The following IGF2R variants were observed in gnomAD, a reference collection of about 807,000 sequenced individuals.
IGF2R encodes cation-independent mannose-6-phosphate receptor.
In IGF2R, 91 loss-of-function variants were observed where a neutral mutation model predicts 270.6. That is an observed-to-expected ratio of 0.34 (90% CI 0.28 to 0.40). IGF2R has a LOEUF of 0.40. Among genes scored for constraint, IGF2R ranks in the 10% least tolerant of loss-of-function variants. The probability of loss-of-function intolerance (pLI) is 1.00; values close to 1 mark genes in which losing one functional copy is unlikely to be tolerated. For missense variants in IGF2R, 2,805 were observed against 3,188.3 expected, an observed-to-expected ratio of 0.88 and a Z score of 2.90; for synonymous variants, 1,316 against 1,258.9, an observed-to-expected ratio of 1.05 and a Z score of -0.96.
chr6:160,063,598 A>G lies in IGF2R; in HGVS notation c.3854A>G (p.Lys1285Arg). Residue 1285 changes from lysine (K) to arginine (R), a missense_variant, in exon 27 of 48, where the codon AAG becomes AGG. Physicochemically the swap from Lys to Arg is conservative, Grantham distance 26. Coordinates refer to ENST00000356956, the MANE Select transcript of IGF2R (RefSeq NM_000876.4). ...KSKVVSSCQE[K>R]REPQGFHKVA... Reference sequence around the variant, plus strand: ...AAGGTGGTCTCCTCATGTCAGGAAAAGCGGGAACCGCAGGGATTTCACAAA... The same window carrying G: ...AAGGTGGTCTCCTCATGTCAGGAAAGGCGGGAACCGCAGGGATTTCACAAA... 1.9e-6 allele frequency: 3 copies of G among 1,614,218 alleles called. No individual in the cohort carries two copies. Among genetic ancestry groups the G allele is most frequent in the Non-Finnish European group, 2.5e-6 (3 of 1,180,028 alleles).
At chr6:160,087,882 G>GTCAGGC in intron 41 of IGF2R, 151 bp from the exon 42 acceptor site, 2 of 587,234 alleles carry the variant, frequency 3.4e-6, no homozygotes, top group South Asian at 3.7e-5. Flanking sequence ...CACCATGTTG[G>GTCAGGC]TCAGGCTGGT....
At chr6:160,085,681 G>A (rs973021722) in intron 41 of IGF2R, among the ~76,000 whole-genome samples, 3 of 152,238 alleles carry the variant, frequency 2.0e-5, no homozygotes, top group Non-Finnish European at 2.9e-5. Context: ...GACCAGTAAA[G>A]GAAAATATTC....
In IGF2R at chr6:160,058,761, A is replaced by G. The variant is rs953532965; in HGVS notation, c.2899-145A>G. ...TTGGACTTATGTACTAACTGTACTA[A>G]CATGCCAGAAAGTGGAAAGTTGGCA... On this transcript the variant is annotated intron_variant, in intron 21 of 47. Coordinates refer to ENST00000356956, the MANE Select transcript of IGF2R (RefSeq NM_000876.4). The G allele has an allele frequency of 2.8e-5, 19 of 684,242 alleles. No homozygotes were observed. The African/African-American group carries it at 3.2e-4, about 12-fold the overall frequency. 42.4% of individuals were successfully genotyped at this position (684,242 alleles called of 1,614,324 possible).
intron 7 of IGF2R, 70 bp from the exon 8 acceptor site, chr6:160,032,481 A>G: frequency 2.1e-6 from 3 of 1,416,646 alleles, no homozygotes; most frequent in Non-Finnish European, 2.9e-6. Context: ...GCTTTTCATA[A>G]GTGTGGAAAA....
Position 160,105,192 on chromosome 6 carries a change from C to A in IGF2R, c.*108C>A, listed in dbSNP as rs1284764861. The A allele has an allele frequency of 9.9e-7, 1 of 1,009,308 alleles. No individual in the cohort carries two copies. The highest frequency in any genetic ancestry group is 1.4e-6 in the Non-Finnish European group (1 of 700,594). The allele number at this position is 1,009,308 out of a possible 1,614,324, so 62.5% of individuals were successfully genotyped here. ...TCTATAATTTTGCCTTTAACAGAAA[C>A]TTTCAAAAGGGAAGAGTTTTTGTGA... On this transcript the variant is annotated 3_prime_UTR_variant, in exon 48 of 48. Coordinates refer to ENST00000356956, the MANE Select transcript of IGF2R (RefSeq NM_000876.4).
At chr6:160,037,819 G>A (rs1462461500) in intron 10 of IGF2R, among the ~76,000 whole-genome samples, 1 of 152,162 alleles carries the variant, frequency 6.6e-6, no homozygotes, top group African/African-American at 2.4e-5. Context: ...TCTGCTCCAT[G>A]TGGTCATTTG....
At chr6:160,092,912 T>C (rs969080750) in intron 44 of IGF2R, among the ~76,000 whole-genome samples, 2 of 152,000 alleles carry the variant, frequency 1.3e-5, no homozygotes, top group African/African-American at 4.8e-5. Flanking sequence ...ATGCAAGGAG[T>C]CCACACAAGG....
chr6:160,097,156 G>A (rs1779380401), intron 45 of IGF2R, among the ~76,000 whole-genome samples: 1 of 152,230 alleles, frequency 6.6e-6, no homozygotes, highest in Admixed American at 6.5e-5. Flanking sequence ...TTGAGAATCA[G>A]CATGAGAACA....
intron 11 of IGF2R, among the ~76,000 whole-genome samples, chr6:160,041,779 G>A (rs1361133537): frequency 6.6e-6 from 1 of 152,180 alleles, no homozygotes. Context: ...TAAACACCCT[G>A]TGTGCTGCTG....
intron 1 of IGF2R, among the ~76,000 whole-genome samples, chr6:159,975,320 G>A (rs1041578462): frequency 6.6e-6 from 1 of 152,220 alleles, no homozygotes; most frequent in African/African-American, 2.4e-5. Context: ...TTAGGGCGAG[G>A]TATTGGGGAA....
At chr6:160,029,136 A>C (rs1441155537) in intron 6 of IGF2R, among the ~76,000 whole-genome samples, 2 of 152,066 alleles carry the variant, frequency 1.3e-5, no homozygotes, top group African/African-American at 2.4e-5. Flanking sequence ...GCGCACTACC[A>C]TGCCCAGCTA....
chr6:159,983,411 T>C (rs969289622), intron 1 of IGF2R, among the ~76,000 whole-genome samples: 6 of 152,228 alleles, frequency 3.9e-5, no homozygotes. Context: ...TCTGTACTTC[T>C]GAACAGGCGT....
chr6:159,974,998 G>A (rs1419971063), intron 1 of IGF2R, among the ~76,000 whole-genome samples: 1 of 152,068 alleles, frequency 6.6e-6, no homozygotes, highest in Non-Finnish European at 1.5e-5. Flanking sequence ...GAAGACCTCC[G>A]TAATCAAATG....
chr6:159,989,141 C>T (rs1464602513), intron 1 of IGF2R, among the ~76,000 whole-genome samples: 1 of 152,174 alleles, frequency 6.6e-6, no homozygotes, highest in African/African-American at 2.4e-5. Context: ...GCTATCAGAC[C>T]TTCCAAGTCT....
rs1779521386 is a variant in IGF2R at position 160,102,909 on chromosome 6, G to T, written c.6995+238G>T. On this transcript the variant is annotated intron_variant, in intron 46 of 47. Coordinates refer to ENST00000356956, the MANE Select transcript of IGF2R (RefSeq NM_000876.4). The surrounding 1 kb of genome is among the most constrained non-coding windows in gnomAD (Gnocchi z 4.5). ...CATCACCCGTGCCTGCGGCTTCTAG[G>T]ACCGTGGTCCTTTGTGTCCAAAGAT... Among the ~76,000 whole-genome samples, 1 of 152,188 alleles carries T rather than the reference G, an allele frequency of 6.6e-6. No homozygotes were observed. The highest frequency in any genetic ancestry group is 2.1e-4 in the South Asian group (1 of 4,830).
chr6:159,989,085 C>T (rs1185780033), intron 1 of IGF2R, among the ~76,000 whole-genome samples: 1 of 152,138 alleles, frequency 6.6e-6, no homozygotes, highest in Non-Finnish European at 1.5e-5. Context: ...TAAGATTGGG[C>T]ACCTGAGTAC....
At position 160,111,142 on chromosome 6, in the gene IGF2R, T is replaced by A. The variant is rs1027851074; in HGVS notation, c.*6058T>A. On this transcript the variant is annotated 3_prime_UTR_variant, in exon 48 of 48. Transcript: ENST00000356956. ...CTTGACTGGGGCAATGATTTTGTAA[T>A]GATAAGTATCTCAAAACATCATGTT... 2.0e-5 allele frequency: 3 copies of A among 152,244 alleles called. No homozygotes were observed. The highest frequency in any genetic ancestry group is 1.3e-4 in the Admixed American group (2 of 15,288). The allele number at this position is 152,244 out of a possible 1,614,324, so 9.4% of individuals were successfully genotyped here.
In IGF2R at chr6:160,084,950, C is replaced by T. The variant is rs1173977378; in HGVS notation, c.6069-45C>T. ...GAGCCCTCCTGTGTCAGGGCAGAGA[C>T]GTCACTTGCATGCCTTTTACCTGCC... On this transcript the variant is annotated intron_variant, in intron 40 of 47. Coordinates refer to ENST00000356956, the MANE Select transcript of IGF2R (RefSeq NM_000876.4). The surrounding 1 kb of genome is among the most constrained non-coding windows in gnomAD (Gnocchi z 4.6). 4 of 1,588,560 alleles carry T rather than the reference C, an allele frequency of 2.5e-6. No homozygotes were observed. Among genetic ancestry groups the T allele is most frequent in the South Asian group, 1.1e-5 (1 of 89,748 alleles).
chr6:159,970,914 C>T (rs929424900), intron 1 of IGF2R, among the ~76,000 whole-genome samples: 6 of 151,308 alleles, frequency 4.0e-5, no homozygotes, highest in African/African-American at 1.5e-4. Flanking sequence ...CCCGTCTCTA[C>T]AAAAAATATG....
Sources: allele counts gnomAD v4.1 joint callset (sites outside exome capture counted in the v4.1 genomes callset), GRCh38; gene constraint gnomAD v4.1.1; non-coding constraint Gnocchi (gnomAD v3.1); transcripts MANE v1.5; gene names NCBI Gene and HGNC (gene_info 2026-07-23, HGNC 2026-07-21).